ZFP90: variants seen among roughly 807,000 people sequenced by gnomAD.
ZFP90 encodes the protein ZFP90 zinc finger protein.
ZFP90 carries 38 observed loss-of-function variants against 60.8 expected under a neutral mutation model. That is an observed-to-expected ratio of 0.62 (90% confidence interval 0.48 to 0.82). The LOEUF is 0.82. Among genes scored for constraint, ZFP90 ranks in the 40% least tolerant of loss-of-function variants. ZFP90 has a pLI of 0.00. For missense variants in ZFP90, 711 were observed against 759.1 expected, an observed-to-expected ratio of 0.94 and a Z score of 0.74; for synonymous variants, 287 against 264.8, an observed-to-expected ratio of 1.08 and a Z score of -0.82.
intron 4 of ZFP90, among the ~76,000 whole-genome samples, chr16:68,560,013 T>C (rs1195603160): frequency 6.6e-6 from 1 of 152,174 alleles, no homozygotes; most frequent in African/African-American, 2.4e-5. Flanking sequence ...GGATTACAGG[T>C]GTGAGCCACT....
In ZFP90 at chr16:68,563,089, A is replaced by G; in HGVS notation, c.302A>G (p.Asp101Gly). 6.2e-7 allele frequency: 1 copy of G among 1,614,184 alleles called. No individual in the cohort carries two copies. Among genetic ancestry groups the G allele is most frequent in the Non-Finnish European group, 8.5e-7 (1 of 1,180,030 alleles). The part of the protein sequence containing the change: ...PEVKSSHLQQ[D>G]VSEVSHCTHD... ...GTCAAATCATCACATTTGCAGCAGG[A>G]TGTATCAGAAGTATCCCACTGCACA... The change falls in exon 5 of 5, where the codon GAT (aspartate) becomes GGT (glycine). Residue 101 changes from aspartate to glycine, a missense_variant. Physicochemically the swap from Asp to Gly is moderately conservative, Grantham distance 94. This residue lies in a region of ZFP90 where 241 missense variants were observed against 247.6 expected (regional missense o/e 0.97). Transcript: ENST00000563169.
intron 2 of ZFP90, among the ~76,000 whole-genome samples, chr16:68,575,460 ATC>A (rs2091589068): frequency 7.0e-6 from 1 of 142,026 alleles, no homozygotes; most frequent in Non-Finnish European, 1.5e-5. Flanking sequence ...AAGTCAGGTC[ATC>A]TCTCTGTTGA....
rs989784282 is a variant in ZFP90 at position 68,558,596 on chromosome 16, A to G, written c.256+28A>G. ...AAATGAGTGAGAGTCAGGCATTAGG[A>G]ATGAATGCAGTTAATGGCACAACTT... On this transcript the variant is annotated intron_variant, in intron 4 of 4. Coordinates refer to ENST00000563169, the MANE Select transcript of ZFP90 (RefSeq NM_001305203.2). The G allele has an allele frequency of 8.2e-6, 13 of 1,593,030 alleles. No homozygotes were observed. The African/African-American group carries it at 1.7e-4, about 21-fold the overall frequency.
At chr16:68,539,678 A>AGGGGCGGAGGT in intron 1 of ZFP90, 80 bp from the exon 2 acceptor site, 2 of 793,768 alleles carry the variant, frequency 2.5e-6, no homozygotes, top group Non-Finnish European at 3.2e-6. Flanking sequence ...GATGTGGTTT[A>AGGGGCGGAGGT]GGGGCGGAGG....
chr16:68,548,535 G>C (rs1352079525), intron 2 of ZFP90, among the ~76,000 whole-genome samples: 1 of 131,504 alleles, frequency 7.6e-6, no homozygotes, highest in Non-Finnish European at 1.5e-5. Context: ...TTATTGCCCA[G>C]GCTGGAGTGC....
intron 2 of ZFP90, among the ~76,000 whole-genome samples, chr16:68,557,446 G>A (rs2091363717): frequency 6.6e-6 from 1 of 151,962 alleles, no homozygotes; most frequent in Non-Finnish European, 1.5e-5. Flanking sequence ...AGATCTCTAG[G>A]ATACATAGCT....
chr16:68,537,302 G>C (rs1674505074), upstream of ZFP90, among the ~76,000 whole-genome samples: 1 of 151,660 alleles, frequency 6.6e-6, no homozygotes, highest in African/African-American at 2.4e-5. Context: ...ATTTTTGTAT[G>C]TTTAGTAGAG....
chr16:68,566,871 C>T lies in ZFP90; in HGVS notation c.*2173C>T, dbSNP rs1268785238. The T allele has an allele frequency of 3.0e-6, 3 of 985,444 alleles. No homozygotes were observed. The highest frequency in any genetic ancestry group is 3.6e-6 in the Non-Finnish European group (3 of 829,964). The allele number at this position is 985,444 out of a possible 1,614,324, so 61.0% of individuals were successfully genotyped here. ...CCCACTGTTACGGAAGTTTATAAAA[C>T]CTTAGTTCCAGAAGACCCAAAGGAG... On this transcript the variant is annotated 3_prime_UTR_variant, in exon 5 of 5. Transcript: ENST00000563169.
At chr16:68,569,368 C>T (rs181429489), downstream of ZFP90, among the ~76,000 whole-genome samples, 755 of 151,208 alleles carry the variant, frequency 5.0e-3, 4 homozygotes, top group Admixed American at 8.2e-3. Context: ...AACTCCTGAC[C>T]TCATGATCTG....
At chr16:68,543,773 A>T (rs536524458) in intron 2 of ZFP90, among the ~76,000 whole-genome samples, 1 of 150,676 alleles carries the variant, frequency 6.6e-6, no homozygotes, top group East Asian at 1.9e-4. Flanking sequence ...GTTGACCAGG[A>T]TGGTCTCGAT....
chr16:68,535,791 C>T (rs995397881), upstream of ZFP90: 18 of 152,108 alleles, frequency 1.2e-4, no homozygotes, highest in Admixed American at 7.2e-4. Flanking sequence ...TTGGGCTTCT[C>T]GGTATTCCCT....
rs112235372 is a variant in ZFP90 at position 68,572,616 on chromosome 16, C to A, written c.224-3175C>A. Among the ~76,000 whole-genome samples the A allele has an allele frequency of 5.2e-3, 792 of 152,298 alleles. 4 individuals are homozygous for A. The highest frequency in any genetic ancestry group is 0.018 in the African/African-American group (747 of 41,574). On this transcript the variant is annotated intron_variant, in intron 2 of 2. Transcript: ENST00000573113. ...TGATCCAGAGGAGATGGGCCTCATG[C>A]TCCTGGGATGAAGCCCCTACCCTGC...
In ZFP90 at chr16:68,539,353, G is replaced by A. The variant is rs968791637; in HGVS notation, c.-162G>A. The A allele has an allele frequency of 5.1e-6, 1 of 196,890 alleles. No individual in the cohort carries two copies. Among genetic ancestry groups the A allele is most frequent in the African/African-American group, 2.3e-5 (1 of 43,394 alleles). The allele number at this position is 196,890 out of a possible 1,614,324, so 12.2% of individuals were successfully genotyped here. ...ACCCCGGTGCGGCTGAGGCCCCTTT[G>A]GGCAGCCCCTCCGCAGATCAGAATT... On this transcript the variant is annotated 5_prime_UTR_variant, in exon 1 of 5. Transcript: ENST00000563169.
intron 2 of ZFP90, among the ~76,000 whole-genome samples, chr16:68,549,457 C>T (rs2152063111): frequency 6.6e-6 from 1 of 152,002 alleles, no homozygotes; most frequent in African/African-American, 2.4e-5. Context: ...GCAGGTGGAT[C>T]ACGAGGTCAG....
intron 2 of ZFP90, among the ~76,000 whole-genome samples, chr16:68,549,231 C>G (rs1299517587): frequency 6.6e-6 from 1 of 152,176 alleles, no homozygotes; most frequent in Non-Finnish European, 1.5e-5. Context: ...TTCAAGAAAT[C>G]TGAGCTGTTG....
intron 2 of ZFP90, among the ~76,000 whole-genome samples, chr16:68,555,882 G>C (rs2152068883): frequency 6.6e-6 from 1 of 152,338 alleles, no homozygotes; most frequent in South Asian, 2.1e-4. Context: ...CAAGAGAAGG[G>C]TACAGAATAA....
upstream of ZFP90, among the ~76,000 whole-genome samples, chr16:68,538,650 G>A (rs916835157): frequency 6.6e-6 from 1 of 151,624 alleles, no homozygotes; most frequent in African/African-American, 2.4e-5. Context: ...AGGCTGCGGT[G>A]AGCCAAAATC....
In ZFP90 at chr16:68,566,411, A is replaced by G. The variant is rs1326765716; in HGVS notation, c.*1713A>G. On this transcript the variant is annotated 3_prime_UTR_variant, in exon 5 of 5. Coordinates refer to ENST00000563169, the MANE Select transcript of ZFP90 (RefSeq NM_001305203.2). ...GTCGTATTGATGGTGAACCTTTCCT[A>G]CTGGATTCTTTGCATGCCACATAGC... The G allele has an allele frequency of 1.0e-6, 1 of 985,500 alleles. No individual in the cohort carries two copies. The highest frequency in any genetic ancestry group is 6.1e-5 in the Admixed American group (1 of 16,278). 61.0% of individuals were successfully genotyped at this position (985,500 alleles called of 1,614,324 possible).
downstream of ZFP90, among the ~76,000 whole-genome samples, chr16:68,576,470 G>T (rs1440250920): frequency 6.6e-6 from 1 of 152,132 alleles, no homozygotes; most frequent in Non-Finnish European, 1.5e-5. Context: ...CAGCAGGCCG[G>T]GCACGGTGGC....
Sources: allele counts gnomAD v4.1 joint callset (sites outside exome capture counted in the v4.1 genomes callset), GRCh38; gene constraint gnomAD v4.1.1; regional missense constraint gnomAD v4.1.1; transcripts MANE v1.5; gene names NCBI Gene and HGNC (gene_info 2026-07-23, HGNC 2026-07-21).